Variants in MCTP1 observed in about 807,000 individuals in gnomAD.
MCTP1 encodes the protein multiple C2 and transmembrane domain containing 1, also known as multiple C2 and transmembrane domain-containing protein 1.
Under a neutral mutation model 120.6 loss-of-function variants are expected in MCTP1, and 69 were observed. That is an observed-to-expected ratio of 0.57 (90% CI 0.47 to 0.70). The LOEUF (loss-of-function observed/expected upper bound fraction) is 0.70, where lower values mean the gene tolerates loss of function less well. Among genes scored for constraint, MCTP1 ranks in the 30% least tolerant of loss-of-function variants. MCTP1 has a pLI of 0.00. For synonymous variants in MCTP1, 529 were observed against 493.1 expected, an observed-to-expected ratio of 1.07 and a Z score of -0.96; for missense variants, 1,203 against 1,248.8, an observed-to-expected ratio of 0.96 and a Z score of 0.55.
At chr5:94,916,297 A>T (rs1810037632) in intron 8 of MCTP1, among the ~76,000 whole-genome samples, 1 of 152,196 alleles carries the variant, frequency 6.6e-6, no homozygotes, top group Non-Finnish European at 1.5e-5. Context: ...GTTCACTCAC[A>T]TCTTCCTAGC....
chr5:95,283,601 T>C (rs1404654487), intron 1 of MCTP1, among the ~76,000 whole-genome samples: 2 of 152,276 alleles, frequency 1.3e-5, no homozygotes, highest in African/African-American at 4.8e-5. Context: ...GTCTAACTTT[T>C]CATTGACTAC....
intron 19 of MCTP1, among the ~76,000 whole-genome samples, chr5:94,730,817 G>T (rs1762975667): frequency 6.6e-6 from 1 of 152,110 alleles, no homozygotes; most frequent in Admixed American, 6.6e-5. Context: ...ATCTGAAGTA[G>T]ATACTTGTCA....
At chr5:95,224,610 T>C (rs1306840974) in intron 1 of MCTP1, among the ~76,000 whole-genome samples, 1 of 151,416 alleles carries the variant, frequency 6.6e-6, no homozygotes, top group Admixed American at 6.6e-5. Context: ...AGGGCTCAAA[T>C]GATCCTCCTA....
Position 95,284,093 on chromosome 5 carries a change from G to GGAGGAA in MCTP1, c.477_482dup (p.Ser160_Ser161dup). On this transcript the variant is annotated inframe_insertion, in exon 1 of 23. Transcript: ENST00000515393. This position sits in a 1 kb window ranked among gnomAD's most constrained non-coding sequence, Gnocchi z 5.2. ...GCGAGGAGGACAGGGAGGATGAGGC[G>GGAGGAA]GAGGAAGAGGAAGGAGCTGAGTCGG... 1 of 1,550,804 alleles carries GGAGGAA rather than the reference G, an allele frequency of 6.4e-7. No homozygotes were observed. The highest frequency in any genetic ancestry group is 1.2e-5 in the South Asian group (1 of 84,474).
chr5:94,995,170 G>A (rs1161725721), intron 2 of MCTP1, among the ~76,000 whole-genome samples: 3 of 152,148 alleles, frequency 2.0e-5, no homozygotes, highest in African/African-American at 7.2e-5. Flanking sequence ...GACTAAGACG[G>A]GGGGCAGTGA....
chr5:95,249,820 T>G (rs983072410), intron 1 of MCTP1, among the ~76,000 whole-genome samples: 1 of 152,168 alleles, frequency 6.6e-6, no homozygotes, highest in African/African-American at 2.4e-5. Context: ...TGGGATACTA[T>G]GCAGCCATAA....
chr5:94,984,880 C>G (rs1337313106), intron 2 of MCTP1, among the ~76,000 whole-genome samples: 1 of 152,028 alleles, frequency 6.6e-6, no homozygotes, highest in African/African-American at 2.4e-5. Flanking sequence ...TTTCTTTACT[C>G]AAAAAGAGAG....
intron 1 of MCTP1, among the ~76,000 whole-genome samples, chr5:95,035,502 G>T (rs1451647188): frequency 6.6e-6 from 1 of 152,044 alleles, no homozygotes; most frequent in Non-Finnish European, 1.5e-5. Context: ...TCACTTATAA[G>T]TGGGAGCAAT....
chr5:95,247,042 G>A (rs1216961951), intron 1 of MCTP1, among the ~76,000 whole-genome samples: 2 of 152,146 alleles, frequency 1.3e-5, no homozygotes, highest in Non-Finnish European at 2.9e-5. Context: ...TGGTTGGTAA[G>A]CTATTAATTA....
chr5:94,713,169 C>T (rs2152549106), intron 20 of MCTP1, among the ~76,000 whole-genome samples: 1 of 152,148 alleles, frequency 6.6e-6, no homozygotes, highest in Non-Finnish European at 1.5e-5. Context: ...TTTGAGTCTG[C>T]TTTCTGGGTA....
intron 18 of MCTP1, among the ~76,000 whole-genome samples, chr5:94,790,613 T>A (rs1027719215): frequency 2.0e-5 from 3 of 152,162 alleles, no homozygotes; most frequent in African/African-American, 7.2e-5. Context: ...ATAACTCATG[T>A]CGGGCCTTAA....
intron 1 of MCTP1, among the ~76,000 whole-genome samples, chr5:95,141,358 A>C (rs2152439402): frequency 6.6e-6 from 1 of 152,354 alleles, no homozygotes; most frequent in East Asian, 1.9e-4. Flanking sequence ...TTTGTTTTAA[A>C]AACACTTCAG....
At chr5:94,994,407 G>A (rs573072180) in intron 2 of MCTP1, among the ~76,000 whole-genome samples, 2 of 152,278 alleles carry the variant, frequency 1.3e-5, no homozygotes, top group South Asian at 2.1e-4. Flanking sequence ...AAAACTCTTA[G>A]GAAAATAGCC....
At chr5:94,766,222 G>A (rs1215340782) in intron 19 of MCTP1, among the ~76,000 whole-genome samples, 1 of 152,176 alleles carries the variant, frequency 6.6e-6, no homozygotes, top group African/African-American at 2.4e-5. Flanking sequence ...ACTCTAGCGA[G>A]GGCGAGAAGA....
At chr5:94,986,245 T>C (rs184054645) in intron 2 of MCTP1, among the ~76,000 whole-genome samples, 9 of 152,316 alleles carry the variant, frequency 5.9e-5, no homozygotes, top group Admixed American at 4.6e-4. Flanking sequence ...CTATCATTGT[T>C]ATTACGTGTT....
chr5:95,248,550 C>A (rs1757054527), intron 1 of MCTP1, among the ~76,000 whole-genome samples: 1 of 152,164 alleles, frequency 6.6e-6, no homozygotes, highest in African/African-American at 2.4e-5. Context: ...ACATTCCATG[C>A]TCATGGATAG....
intron 1 of MCTP1, among the ~76,000 whole-genome samples, chr5:95,082,958 G>C (rs1202771540): frequency 6.6e-6 from 1 of 152,088 alleles, no homozygotes; most frequent in African/African-American, 2.4e-5. Context: ...TCTATCGGAT[G>C]ATCTTTTTTA....
At chr5:94,941,679 A>T (rs994489345) in intron 4 of MCTP1, among the ~76,000 whole-genome samples, 2 of 151,998 alleles carry the variant, frequency 1.3e-5, no homozygotes, top group African/African-American at 4.8e-5. Flanking sequence ...ATCTTTTCTA[A>T]TGGTATTTTT....
intron 19 of MCTP1, among the ~76,000 whole-genome samples, chr5:94,775,548 T>C (rs1010670606): frequency 2.6e-5 from 4 of 152,160 alleles, no homozygotes; most frequent in Non-Finnish European, 5.9e-5. Context: ...AAAAATCAGA[T>C]CAAACTGTGA....
Sources: gnomAD v4.1 joint callset for allele counts (sites outside exome capture counted in the v4.1 genomes callset) on GRCh38, gnomAD v4.1.1 for gene constraint, Gnocchi (gnomAD v3.1) non-coding constraint, MANE v1.5 for transcripts, NCBI Gene and HGNC (gene_info 2026-07-23, HGNC 2026-07-21) for gene names.